MBD4: variants seen among roughly 807,000 people sequenced by gnomAD.
MBD4 encodes methyl-CpG-binding domain protein 4.
In MBD4, 53 loss-of-function variants were observed where a neutral mutation model predicts 60.2. That is an observed-to-expected ratio of 0.88 (90% CI 0.71 to 1.11). The LOEUF (loss-of-function observed/expected upper bound fraction) is 1.11, where lower values mean the gene tolerates loss of function less well. Among genes scored for constraint, MBD4 ranks in the 50% least tolerant of loss-of-function variants. The probability of loss-of-function intolerance (pLI) is 0.00; values close to 1 mark genes in which losing one functional copy is unlikely to be tolerated. For synonymous variants in MBD4, 231 were observed against 229.8 expected (o/e 1.01, Z -0.05); for missense variants, 619 against 674.0 (o/e 0.92, Z 0.90).
Position 129,436,703 on chromosome 3 carries a change from T to TC in MBD4, c.940dup (p.Glu314GlyfsTer13), listed in dbSNP as rs780712366. The stretch of plus-strand genomic sequence containing the variant: ...ATTTGATCCTGAACTCAATGATCTT[T>TC]CTTTTTTTTTTACAAGGCTGTTTTC... On this transcript the variant is annotated frameshift_variant, in exon 3 of 8. Coordinates refer to ENST00000429544, the MANE Select transcript of MBD4 (RefSeq NM_001276270.2). LOFTEE classifies it high-confidence loss of function. 4 of 1,613,890 alleles carry TC rather than the reference T, an allele frequency of 2.5e-6. No homozygotes were observed. Among genetic ancestry groups the TC allele is most frequent in the Non-Finnish European group, 8.5e-7 (1 of 1,180,004 alleles).
At position 129,439,889 on chromosome 3, in the gene MBD4, G is replaced by T; in HGVS notation, c.-56C>A. 8.0e-7 allele frequency: 1 copy of T among 1,251,704 alleles called. No individual in the cohort carries two copies. Among genetic ancestry groups the T allele is most frequent in the South Asian group, 1.2e-5 (1 of 81,258 alleles). 77.5% of individuals were successfully genotyped at this position (1,251,704 alleles called of 1,614,324 possible). A position where few individuals can be genotyped will look rare whatever the true frequency, so the allele number is the denominator to read the frequency against. The stretch of plus-strand genomic sequence containing the variant: ...AGCGCCGCAACGCCCAGGGTGTGGG[G>T]CGGAGTAAGATGTGAAACCTCTTCA... On this transcript the variant is annotated 5_prime_UTR_variant, in exon 1 of 8. Transcript: ENST00000429544.
intron 2 of MBD4, among the ~76,000 whole-genome samples, 187 bp downstream of exon 2, chr3:129,437,533 A>G (rs1043405032): frequency 6.6e-6 from 1 of 152,104 alleles, no homozygotes; most frequent in African/African-American, 2.4e-5. Flanking sequence ...CCATTCACAG[A>G]AGGAGGGACA....
intron 2 of MBD4, 135 bp downstream of exon 2, chr3:129,437,585 A>G (rs1419552804): frequency 1.4e-6 from 1 of 704,014 alleles, no homozygotes; most frequent in Non-Finnish European, 2.4e-6. Context: ...TGTAATTAAT[A>G]GCAACATTGA....
rs1033010474 is a variant in MBD4, at chr3:129,431,438, CTTAA to C, written c.*59_*62del. 135 of 1,354,926 alleles carry C rather than the reference CTTAA, an allele frequency of 1.0e-4. 1 individual carries two copies. Among genetic ancestry groups the C allele is most frequent in the African/African-American group, 9.6e-4 (67 of 69,972 alleles). The allele number at this position is 1,354,926 out of a possible 1,614,324, so 83.9% of individuals were successfully genotyped here. On this transcript the variant is annotated 3_prime_UTR_variant, in exon 8 of 8. Transcript: ENST00000429544. ...ATGGCTGGAAAGGTGGTTGGTTGTA[CTTAA>C]TTAAGCTTTTTTGAAGTGCAAAGCT... is the stretch of plus-strand genomic sequence containing the variant.
rs1021669935 is a variant in MBD4 at position 129,431,211 on chromosome 3, T to C, written c.*290A>G. On this transcript the variant is annotated 3_prime_UTR_variant, in exon 8 of 8. Transcript: ENST00000429544. ...ATAGAAATTTGCTTTGTATTATTGA[T>C]AGTTTAGAACTATTTTTCATCTTCT... 1 of 347,388 alleles carries C rather than the reference T, an allele frequency of 2.9e-6. No homozygotes were observed. The highest frequency in any genetic ancestry group is 2.1e-5 in the African/African-American group (1 of 47,018). The allele number at this position is 347,388 out of a possible 1,614,324, so 21.5% of individuals were successfully genotyped here.
chr3:129,437,715 C>G lies in MBD4; in HGVS notation c.335+5G>C. The G allele has an allele frequency of 6.3e-7, 1 of 1,599,858 alleles. No individual in the cohort carries two copies. Among genetic ancestry groups the G allele is most frequent in the African/African-American group, 1.3e-5 (1 of 74,734 alleles). ...TGTACTATCTTTACCATCTTATATG[C>G]TTACCTGATAAAGTACACATCAAAT... On this transcript the variant is annotated splice_donor_5th_base_variant and intron_variant, in intron 2 of 7. Transcript: ENST00000429544.
chr3:129,437,862 G>T lies in MBD4; in HGVS notation c.193C>A (p.Leu65Ile), dbSNP rs964296187. Reference sequence around the variant, plus strand: ...TGAGCAGAAGCGATGGGTTCTTGTAGCAAGGGATTACATTCACTGCTTCTT... The same window carrying T: ...TGAGCAGAAGCGATGGGTTCTTGTATCAAGGGATTACATTCACTGCTTCTT... ...IKRSSECNPL[L>I]QEPIASAQFG... Residue 65 changes from leucine to isoleucine, a missense_variant, in exon 2 of 8, where the codon CTA becomes ATA. Coordinates refer to ENST00000429544, the MANE Select transcript of MBD4 (RefSeq NM_001276270.2). The T allele has an allele frequency of 9.9e-6, 16 of 1,614,000 alleles. No individual in the cohort carries two copies. The highest frequency in any genetic ancestry group is 1.7e-5 in the Admixed American group (1 of 60,024).
intron 1 of MBD4, 40 bp from the exon 2 acceptor site, chr3:129,437,990 T>G (rs1295159507): frequency 8.1e-7 from 1 of 1,239,586 alleles, no homozygotes; most frequent in Non-Finnish European, 1.2e-6. Context: ...TATTTAAAAT[T>G]TATCTTCCAC....
At chr3:129,433,403 AACC>A in intron 5 of MBD4, 156 bp from the exon 6 acceptor site, 2 of 774,688 alleles carry the variant, frequency 2.6e-6, no homozygotes, top group South Asian at 3.3e-5. Flanking sequence ...CTGAACCAGC[AACC>A]ACTTTCAGAA....
At chr3:129,436,097 T>A (rs1415970038) in intron 3 of MBD4, among the ~76,000 whole-genome samples, 3 of 152,196 alleles carry the variant, frequency 2.0e-5, no homozygotes, top group Admixed American at 6.5e-5. Flanking sequence ...TAATTTTCCT[T>A]CAAGTTTTAA....
chr3:129,432,336 A>C (rs953960900), intron 7 of MBD4, 167 bp downstream of exon 7: 1 of 1,521,236 alleles, frequency 6.6e-7, no homozygotes. Context: ...GCGCCTACTG[A>C]TCAAAAACCC....
At position 129,431,151 on chromosome 3, in the gene MBD4, A is replaced by G. The variant is rs1033614585; in HGVS notation, c.*350T>C. The G allele has an allele frequency of 8.9e-5, 24 of 270,856 alleles. No homozygotes were observed. In the Admixed American group the frequency reaches 1.2e-3, roughly 14 times the overall value. 16.8% of individuals were successfully genotyped at this position (270,856 alleles called of 1,614,324 possible). A position where few individuals can be genotyped will look rare whatever the true frequency, so the allele number is the denominator to read the frequency against. ...ATGCACCACCACGCCTAGCCGATAA[A>G]AATATTTAGTGGGCCCCTAGCTTTA... On this transcript the variant is annotated 3_prime_UTR_variant, in exon 8 of 8. Transcript: ENST00000429544.
intron 3 of MBD4, among the ~76,000 whole-genome samples, chr3:129,435,829 T>C (rs992598603): frequency 6.6e-6 from 1 of 152,230 alleles, no homozygotes; most frequent in Non-Finnish European, 1.5e-5. Context: ...ACTGCTAAGT[T>C]CTGAATTCTG....
Position 129,439,799 on chromosome 3 carries a change from C to G in MBD4, c.35G>C (p.Gly12Ala). 6.2e-7 allele frequency: 1 copy of G among 1,611,082 alleles called. No individual in the cohort carries two copies. Among genetic ancestry groups the G allele is most frequent in the Non-Finnish European group, 8.5e-7 (1 of 1,179,144 alleles). The stretch of plus-strand genomic sequence containing the variant: ...GACGGTGGGGGCAGCTCCGCGGTCC[C>G]CCAGACTCAGACTCTCCAGCCCAGT... Reference protein sequence around the residue: ...GTTGLESLSLGDRGAAPTVTS... With the variant: ...GTTGLESLSLADRGAAPTVTS... Residue 12 changes from glycine (G) to alanine (A), a missense_variant, in exon 1 of 8, where the codon GGG becomes GCG. Transcript: ENST00000429544.
At chr3:129,433,407 ACTTT>A in intron 5 of MBD4, 160 bp from the exon 6 acceptor site, 1 of 760,798 alleles carries the variant, frequency 1.3e-6, no homozygotes, top group African/African-American at 1.8e-5. Context: ...ACCAGCAACC[ACTTT>A]CAGAATCAAA....
rs1223610749 is a variant in MBD4 at position 129,431,203 on chromosome 3, A to G, written c.*298T>C. On this transcript the variant is annotated 3_prime_UTR_variant, in exon 8 of 8. Coordinates refer to ENST00000429544, the MANE Select transcript of MBD4 (RefSeq NM_001276270.2). ...CAAGGCTGATAGAAATTTGCTTTGT[A>G]TTATTGATAGTTTAGAACTATTTTT... The G allele has an allele frequency of 3.0e-6, 1 of 327,892 alleles. No homozygotes were observed. Among genetic ancestry groups the G allele is most frequent in the African/African-American group, 2.2e-5 (1 of 46,196 alleles). The allele number at this position is 327,892 out of a possible 1,614,324, so 20.3% of individuals were successfully genotyped here.
intron 7 of MBD4, 27 bp downstream of exon 7, chr3:129,432,476 T>A: frequency 6.2e-7 from 1 of 1,614,206 alleles, no homozygotes. Context: ...CCAAATGTGC[T>A]GAATTATGGA....
rs937618802 is a variant in MBD4 at position 129,431,827 on chromosome 3, C to T, written c.1648-249G>A. On this transcript the variant is annotated intron_variant, in intron 7 of 7. Transcript: ENST00000429544. ...AACCATGACTTAGAATGTGGGGTGG[C>T]GATAACATGAGTCAAGTATTAATAC... 3.3e-5 allele frequency among the ~76,000 whole-genome samples: 5 copies of T among 152,208 alleles called. No individual in the cohort carries two copies. The East Asian group carries it at 5.8e-4, about 18-fold the overall frequency.
chr3:129,432,788 CCTAACCACTCTTTTGTGCTGTG>C (rs1324234481), intron 6 of MBD4, among the ~76,000 whole-genome samples, 182 bp from the exon 7 acceptor site: 3 of 152,240 alleles, frequency 2.0e-5, no homozygotes, highest in Admixed American at 6.5e-5. Context: ...TTTGCCAATT[CCTAACCACTCTTTTGTGCTGTG>C]CTAACAAGAC....
Sources: allele counts gnomAD v4.1 joint callset (sites outside exome capture counted in the v4.1 genomes callset), GRCh38; gene constraint gnomAD v4.1.1; transcripts MANE v1.5; gene names NCBI Gene and HGNC (gene_info 2026-07-23, HGNC 2026-07-21).